TMBIM1: variants seen among roughly 807,000 people sequenced by gnomAD.
TMBIM1 encodes the protein transmembrane BAX inhibitor motif containing 1, also known as protein lifeguard 3.
TMBIM1 carries 34 observed loss-of-function variants against 45.1 expected under a neutral mutation model. The ratio of observed to expected loss-of-function variants is 0.75; its 90% CI spans 0.57 to 1.00. The LOEUF is 1.00. Ranked by LOEUF, TMBIM1 falls within the 50% of genes least tolerant of loss-of-function variation. The probability of loss-of-function intolerance (pLI) is 0.00; values close to 1 mark genes in which losing one functional copy is unlikely to be tolerated. For missense variants in TMBIM1, 374 were observed against 402.4 expected (o/e 0.93, Z 0.60); for synonymous variants, 157 against 153.5 (o/e 1.02, Z -0.17).
rs1396594987 is a variant in TMBIM1 at position 218,282,065 on chromosome 2, T to C, written c.77A>G (p.Tyr26Cys). ...LYPGPPPPGGYGQPSVLPGGY... is the reference protein window; with the variant it reads ...LYPGPPPPGGCGQPSVLPGGY... The stretch of plus-strand genomic sequence containing the variant: ...TCCTGGCAGGACAGATGGCTGCCCA[T>C]AGCCCCCAGGGGGCGGAGGGCCTGG... The change falls in exon 2 of 12, where the codon TAT becomes TGT. Residue 26 changes from tyrosine (Y) to cysteine (C), a missense_variant. Tyr to Cys is a radical substitution (Grantham distance 194). Transcript: ENST00000258412. 8.2e-6 allele frequency: 13 copies of C among 1,594,118 alleles called. No individual in the cohort carries two copies. The highest frequency in any genetic ancestry group is 2.3e-5 in the East Asian group (1 of 44,126).
At chr2:218,282,719 AGCCCCAGTGCCAGAGCT>A (rs959749752) in intron 1 of TMBIM1, among the ~76,000 whole-genome samples, 7 of 152,158 alleles carry the variant, frequency 4.6e-5, no homozygotes, top group Non-Finnish European at 1.0e-4. Context: ...AAAACAAGCT[AGCCCCAGTGCCAGAGCT>A]GCCAGGCCCC....
rs201914720 is a variant in TMBIM1, at chr2:218,280,015, G to C, written c.303+11C>G. The C allele has an allele frequency of 4.3e-6, 7 of 1,611,822 alleles. 1 individual carries two copies. The East Asian group carries it at 1.6e-4, about 36-fold the overall frequency. On this transcript the variant is annotated intron_variant, in intron 3 of 11. Coordinates refer to ENST00000258412, the MANE Select transcript of TMBIM1 (RefSeq NM_022152.6). ...GCCCCAGGTACACCCACCTCCCAGC[G>C]CGTATCTTACCTTTCGGATAAAAGT... is the stretch of plus-strand genomic sequence containing the variant.
chr2:218,280,667 C>G (rs1691817342), intron 2 of TMBIM1: 1 of 156,420 alleles, frequency 6.4e-6, no homozygotes, highest in African/African-American at 2.4e-5. Flanking sequence ...TGACACCCCT[C>G]TGGGGTTCAG....
chr2:218,280,917 T>C (rs1489680862), intron 2 of TMBIM1: 2 of 143,222 alleles, frequency 1.4e-5, no homozygotes, highest in African/African-American at 5.3e-5. Context: ...GTTCAAGCAA[T>C]TCTCCTGCCT....
Position 218,276,038 on chromosome 2 carries a change from A to C in TMBIM1, c.777T>G (p.Ile259Met). 6.2e-7 allele frequency: 1 copy of C among 1,612,834 alleles called. No individual in the cohort carries two copies. The highest frequency in any genetic ancestry group is 8.5e-7 in the Non-Finnish European group (1 of 1,179,522). ...LHMLYAALGAICFTLFLAYDT... is the reference protein window; with the variant it reads ...LHMLYAALGAMCFTLFLAYDT... Reference sequence around the variant, plus strand: ...GGCTGGGACTTACCAGGGTGAAACAAATGGCCCCCAGAGCAGCATAGAGCA... The same window carrying C: ...GGCTGGGACTTACCAGGGTGAAACACATGGCCCCCAGAGCAGCATAGAGCA... The change falls in exon 11 of 12, where the codon ATT (isoleucine) becomes ATG (methionine). Residue 259 changes from isoleucine to methionine, a missense_variant. By Grantham distance (10) the Ile-to-Met change is conservative (BLOSUM62 1). Coordinates refer to ENST00000258412, the MANE Select transcript of TMBIM1 (RefSeq NM_022152.6).
At chr2:218,278,314 C>G in intron 6 of TMBIM1, 1 of 630,474 alleles carries the variant, frequency 1.6e-6, no homozygotes, top group Non-Finnish European at 2.8e-6. Context: ...TGCAGGGTTA[C>G]TATAAGAGTG....
intron 1 of TMBIM1, among the ~76,000 whole-genome samples, chr2:218,288,421 T>C (rs1692700739): frequency 6.6e-6 from 1 of 152,076 alleles, no homozygotes; most frequent in African/African-American, 2.4e-5. Flanking sequence ...AGAGGGAGAC[T>C]CTGTCTCAAA....
At chr2:218,282,264 A>C in intron 1 of TMBIM1, 83 bp from the exon 2 acceptor site, 1 of 810,682 alleles carries the variant, frequency 1.2e-6, no homozygotes, top group Non-Finnish European at 1.8e-6. Flanking sequence ...AGCCTTGTCC[A>C]GGCTGCCTCC....
chr2:218,290,595 G>T (rs540492765), intron 1 of TMBIM1, among the ~76,000 whole-genome samples: 1 of 152,182 alleles, frequency 6.6e-6, no homozygotes, highest in Non-Finnish European at 1.5e-5. Context: ...AAGGGCCGGG[G>T]GACATATCCA....
At chr2:218,278,950 T>A in intron 5 of TMBIM1, 88 bp downstream of exon 5, 1 of 1,518,268 alleles carries the variant, frequency 6.6e-7, no homozygotes, top group Non-Finnish European at 9.0e-7. Context: ...AAAAGCATTT[T>A]GATCCTGCCC....
intron 11 of TMBIM1, 138 bp from the exon 12 acceptor site, chr2:218,275,759 C>G (rs1362141167): frequency 9.1e-6 from 10 of 1,100,856 alleles, no homozygotes; most frequent in Non-Finnish European, 1.3e-5. Flanking sequence ...AACATATGGG[C>G]TCTATACTGT....
chr2:218,283,097 G>C (rs574768675), intron 1 of TMBIM1, among the ~76,000 whole-genome samples: 1 of 152,288 alleles, frequency 6.6e-6, no homozygotes, highest in South Asian at 2.1e-4. Flanking sequence ...AGGACAAAGA[G>C]CTGAGGAGTC....
At position 218,275,460 on chromosome 2, in the gene TMBIM1, A is replaced by G. The variant is rs752166044; in HGVS notation, c.*15T>C. ...AGGGAGAGCCCAGGATCGGGTGAAA[A>G]TGGGGGCTTGCTCCTTAATTGCGAT... On this transcript the variant is annotated 3_prime_UTR_variant, in exon 12 of 12. Coordinates refer to ENST00000258412, the MANE Select transcript of TMBIM1 (RefSeq NM_022152.6). 2.5e-6 allele frequency: 4 copies of G among 1,608,928 alleles called. No individual in the cohort carries two copies. Among genetic ancestry groups the G allele is most frequent in the Admixed American group, 3.4e-5 (2 of 59,676 alleles).
chr2:218,280,002 C>T (rs769050310), intron 3 of TMBIM1, 24 bp downstream of exon 3: 3 of 1,605,668 alleles, frequency 1.9e-6, no homozygotes, highest in Non-Finnish European at 2.6e-6. Context: ...CCCAGGTACA[C>T]CCACCTCCCA....
chr2:218,278,219 G>A (rs866283004), intron 6 of TMBIM1: 1 of 605,746 alleles, frequency 1.7e-6, no homozygotes, highest in Non-Finnish European at 2.9e-6. Context: ...TAAACTGACT[G>A]CCTGTGTGAT....
intron 2 of TMBIM1, 110 bp downstream of exon 2, chr2:218,281,830 G>A: frequency 2.2e-6 from 2 of 916,928 alleles, no homozygotes; most frequent in Non-Finnish European, 3.4e-6. Context: ...GAGAAGATGA[G>A]AAAGGGATTT....
At chr2:218,279,485 G>T in intron 3 of TMBIM1, 132 bp from the exon 4 acceptor site, 1 of 699,336 alleles carries the variant, frequency 1.4e-6, no homozygotes, top group Non-Finnish European at 2.3e-6. Flanking sequence ...GGCGACCCCA[G>T]TGAGATGCCT....
intron 11 of TMBIM1, 133 bp downstream of exon 11, chr2:218,275,893 G>A: frequency 1.8e-6 from 2 of 1,120,918 alleles, no homozygotes; most frequent in South Asian, 3.0e-5. Flanking sequence ...TGGAATCTCT[G>A]GACAGTAGTG....
chr2:218,282,037 C>T lies in TMBIM1; in HGVS notation c.105G>A (p.Gly35=), dbSNP rs1012840883. 1 of 1,607,230 alleles carries T rather than the reference C, an allele frequency of 6.2e-7. No individual in the cohort carries two copies. Residue 35 remains glycine, a synonymous_variant, in exon 2 of 12, where the codon GGG becomes GGA. Transcript: ENST00000258412. ...GYGQPSVLPG[G]YPAYPGYPQP... ...GCGGGTAGCCAGGGTAGGCAGGATA[C>T]CCTCCTGGCAGGACAGATGGCTGCC...
Sources: allele counts gnomAD v4.1 joint callset (sites outside exome capture counted in the v4.1 genomes callset), GRCh38; gene constraint gnomAD v4.1.1; transcripts MANE v1.5; gene names NCBI Gene and HGNC (gene_info 2026-07-23, HGNC 2026-07-21).